Variants in MS4A2 observed in about 807,000 individuals in gnomAD.
MS4A2 encodes the protein membrane spanning 4-domains A2.
In MS4A2, 26 loss-of-function variants were observed where a neutral mutation model predicts 27.9. The observed-to-expected ratio is 0.93, with a 90% CI of 0.68 to 1.29. MS4A2 has a LOEUF of 1.29. MS4A2 is among the 50% of genes most tolerant of loss of function. The pLI, the probability that MS4A2 is intolerant of heterozygous loss-of-function variation, is 0.00. For synonymous variants in MS4A2, 110 were observed against 98.8 expected, an observed-to-expected ratio of 1.11 and a Z score of -0.67; for missense variants, 284 against 284.6, an observed-to-expected ratio of 1.00 and a Z score of 0.01.
Position 60,095,681 on chromosome 11 carries a change from A to G in MS4A2, c.*25A>G. ...AGAATCACGTGTCCAGAACACTCTG[A>G]TTCACAGCCAAGGATCCAGAAGGCC... On this transcript the variant is annotated 3_prime_UTR_variant, in exon 7 of 7. Coordinates refer to ENST00000278888, the MANE Select transcript of MS4A2 (RefSeq NM_000139.5). 2 of 1,508,398 alleles carry G rather than the reference A, an allele frequency of 1.3e-6. No homozygotes were observed. The highest frequency in any genetic ancestry group is 9.2e-7 in the Non-Finnish European group (1 of 1,084,010). The allele number at this position is 1,508,398 out of a possible 1,614,324, so 93.4% of individuals were successfully genotyped here.
At position 60,092,810 on chromosome 11, in the gene MS4A2, T is replaced by C. The variant is rs947309174; in HGVS notation, c.340T>C (p.Leu114=). The change falls in exon 4 of 7, where the codon TTG becomes CTG. Residue 114 remains leucine (L), a synonymous_variant. Transcript: ENST00000278888. Reference sequence around the variant, plus strand: ...TGAACAGTTTTCTATTTCTGGAATGTTGTCAATTATATCTGAAAGGAGAAA... The same window carrying C: ...TGAACAGTTTTCTATTTCTGGAATGCTGTCAATTATATCTGAAAGGAGAAA... The part of the protein sequence containing the change: ...GAIFFSISGM[L]SIISERRNAT... 6.2e-7 allele frequency: 1 copy of C among 1,613,998 alleles called. No individual in the cohort carries two copies. Among genetic ancestry groups the C allele is most frequent in the East Asian group, 2.2e-5 (1 of 44,854 alleles).
intron 3 of MS4A2, 26 bp downstream of exon 3, chr11:60,090,496 T>C: frequency 3.1e-6 from 5 of 1,608,070 alleles, no homozygotes; most frequent in Non-Finnish European, 4.2e-6. Flanking sequence ...TAATTGTTTC[T>C]GAAATAACAC....
chr11:60,094,709 G>A (rs932635719), intron 6 of MS4A2, among the ~76,000 whole-genome samples: 4 of 152,354 alleles, frequency 2.6e-5, no homozygotes, highest in Middle Eastern at 3.4e-3. Flanking sequence ...AGCACTTTGT[G>A]AGGCTGAGGA....
In MS4A2 at chr11:60,095,420, G is replaced by A. The variant is rs1855851798; in HGVS notation, c.637-138G>A. 4 of 683,162 alleles carry A rather than the reference G, an allele frequency of 5.9e-6. No homozygotes were observed. In the Admixed American group the frequency reaches 8.7e-5, roughly 15 times the overall value. The allele number at this position is 683,162 out of a possible 1,614,324, so 42.3% of individuals were successfully genotyped here. A position where few individuals can be genotyped will look rare whatever the true frequency, so the allele number is the denominator to read the frequency against. On this transcript the variant is annotated intron_variant, in intron 6 of 6. Transcript: ENST00000278888. The stretch of plus-strand genomic sequence containing the variant: ...TAGTCTGGTTTGGTTTTCTGGAAAT[G>A]AAAGAAATAATCAGAGTTTAATGAC...
Position 60,088,943 on chromosome 11 carries a change from T to C in MS4A2, c.56+122T>C. ...GCATGGATCCATCTAGTTTAATTAA[T>C]ATATTGGGTATGAGGAAGCTACTTG... is the stretch of plus-strand genomic sequence containing the variant. On this transcript the variant is annotated intron_variant, in intron 1 of 6. Transcript: ENST00000278888. 3.0e-6 allele frequency: 3 copies of C among 1,007,958 alleles called. No homozygotes were observed. The South Asian group carries it at 4.2e-5, about 14-fold the overall frequency. The allele number at this position is 1,007,958 out of a possible 1,614,324, so 62.4% of individuals were successfully genotyped here. A position where few individuals can be genotyped will look rare whatever the true frequency, so the allele number is the denominator to read the frequency against.
intron 1 of MS4A2, among the ~76,000 whole-genome samples, chr11:60,089,273 C>T (rs1855712973): frequency 1.3e-5 from 2 of 152,170 alleles, no homozygotes; most frequent in African/African-American, 4.8e-5. Context: ...CTATTCAAAG[C>T]CATTCCTTCA....
At chr11:60,088,462 A>G, upstream of MS4A2, 1 of 358,914 alleles carries the variant, frequency 2.8e-6, no homozygotes. Context: ...TCTCATTTTC[A>G]GGTTCTGTAA....
In MS4A2 at chr11:60,098,434, T is replaced by C. The variant is rs565302661; in HGVS notation, c.*2778T>C. 2 of 152,352 alleles carry C rather than the reference T, an allele frequency of 1.3e-5. No homozygotes were observed. Among genetic ancestry groups the C allele is most frequent in the South Asian group, 4.1e-4 (2 of 4,820 alleles). The allele number at this position is 152,352 out of a possible 1,614,324, so 9.4% of individuals were successfully genotyped here. ...CTCCTTATGTATTCTCAATTACCTGTATTTGTGCAATAAATTGGAATAATG... is the reference window on the plus strand; with the variant it reads ...CTCCTTATGTATTCTCAATTACCTGCATTTGTGCAATAAATTGGAATAATG... On this transcript the variant is annotated 3_prime_UTR_variant, in exon 7 of 7. Coordinates refer to ENST00000278888, the MANE Select transcript of MS4A2 (RefSeq NM_000139.5).
rs369322326 is a variant in MS4A2, at chr11:60,095,414, G to A, written c.637-144G>A. The A allele has an allele frequency of 2.8e-4, 190 of 674,052 alleles. No individual in the cohort carries two copies. In the East Asian group the frequency reaches 3.6e-3, roughly 13 times the overall value. The allele number at this position is 674,052 out of a possible 1,614,324, so 41.8% of individuals were successfully genotyped here. On this transcript the variant is annotated intron_variant, in intron 6 of 6. Coordinates refer to ENST00000278888, the MANE Select transcript of MS4A2 (RefSeq NM_000139.5). Reference sequence around the variant, plus strand: ...GCCAGCTAGTCTGGTTTGGTTTTCTGGAAATGAAAGAAATAATCAGAGTTT... The same window carrying A: ...GCCAGCTAGTCTGGTTTGGTTTTCTAGAAATGAAAGAAATAATCAGAGTTT...
In MS4A2 at chr11:60,097,222, A is replaced by G. The variant is rs143047633; in HGVS notation, c.*1566A>G. The G allele has an allele frequency of 1.3e-5, 2 of 152,376 alleles. No homozygotes were observed. The highest frequency in any genetic ancestry group is 2.9e-5 in the Non-Finnish European group (2 of 68,040). 9.4% of individuals were successfully genotyped at this position (152,376 alleles called of 1,614,324 possible). Reference sequence around the variant, plus strand: ...GATAAAATCTAGCCTAGAAGATACAATAATTAGTCATAAACATGCATTGTG... The same window carrying G: ...GATAAAATCTAGCCTAGAAGATACAGTAATTAGTCATAAACATGCATTGTG... On this transcript the variant is annotated 3_prime_UTR_variant, in exon 7 of 7. Transcript: ENST00000278888.
chr11:60,092,426 G>C (rs974093485), intron 3 of MS4A2, among the ~76,000 whole-genome samples: 1 of 151,638 alleles, frequency 6.6e-6, no homozygotes, highest in Non-Finnish European at 1.5e-5. Flanking sequence ...CTCCCTAGTA[G>C]CTGGGACTAC....
In MS4A2 at chr11:60,096,607, G is replaced by A. The variant is rs1279086993; in HGVS notation, c.*951G>A. The A allele has an allele frequency of 6.6e-6, 1 of 152,178 alleles. No homozygotes were observed. The highest frequency in any genetic ancestry group is 1.5e-5 in the Non-Finnish European group (1 of 68,058). The allele number at this position is 152,178 out of a possible 1,614,324, so 9.4% of individuals were successfully genotyped here. On this transcript the variant is annotated 3_prime_UTR_variant, in exon 7 of 7. Coordinates refer to ENST00000278888, the MANE Select transcript of MS4A2 (RefSeq NM_000139.5). ...GTTGATAGAATGATAAAAAGGGTCGGGCGCGGAGGCTCACGCCTGTAATCC... is the reference window on the plus strand; with the variant it reads ...GTTGATAGAATGATAAAAAGGGTCGAGCGCGGAGGCTCACGCCTGTAATCC...
At chr11:60,091,929 A>T (rs933312774) in intron 3 of MS4A2, among the ~76,000 whole-genome samples, 15 of 152,220 alleles carry the variant, frequency 9.9e-5, no homozygotes, top group Admixed American at 9.2e-4. Context: ...TGTGCTATTG[A>T]CTTATATTTA....
Position 60,090,490 on chromosome 11 carries a change from T to G in MS4A2, c.321+20T>G, listed in dbSNP as rs750399168. The stretch of plus-strand genomic sequence containing the variant: ...ATATTTGTGAGTATATATCTATAAT[T>G]GTTTCTGAAATAACACTGAACATAG... On this transcript the variant is annotated intron_variant, in intron 3 of 6. Transcript: ENST00000278888. 1 of 1,610,158 alleles carries G rather than the reference T, an allele frequency of 6.2e-7. No homozygotes were observed. The highest frequency in any genetic ancestry group is 8.5e-7 in the Non-Finnish European group (1 of 1,178,618).
chr11:60,096,847 A>T lies in MS4A2; in HGVS notation c.*1191A>T, dbSNP rs1431396080. On this transcript the variant is annotated 3_prime_UTR_variant, in exon 7 of 7. Transcript: ENST00000278888. ...GGTTGCAGTGAGCCGAGATCGCACC[A>T]GTGCACTCCAGCCTTGGTGACAATG... 1 of 144,096 alleles carries T rather than the reference A, an allele frequency of 6.9e-6. No individual in the cohort carries two copies. Among genetic ancestry groups the T allele is most frequent in the East Asian group, 2.1e-4 (1 of 4,730 alleles). 8.9% of individuals were successfully genotyped at this position (144,096 alleles called of 1,614,324 possible). A position where few individuals can be genotyped will look rare whatever the true frequency, so the allele number is the denominator to read the frequency against.
rs1855865307 is a variant in MS4A2, at chr11:60,096,094, A to G, written c.*438A>G. On this transcript the variant is annotated 3_prime_UTR_variant, in exon 7 of 7. Coordinates refer to ENST00000278888, the MANE Select transcript of MS4A2 (RefSeq NM_000139.5). ...ATTTGTACCATCCACCCATACCCACACAGTCACAGTCACACACACATATGT... is the reference window on the plus strand; with the variant it reads ...ATTTGTACCATCCACCCATACCCACGCAGTCACAGTCACACACACATATGT... 4.7e-6 allele frequency: 1 copy of G among 211,172 alleles called. No homozygotes were observed. The highest frequency in any genetic ancestry group is 9.5e-6 in the Non-Finnish European group (1 of 104,762). 13.1% of individuals were successfully genotyped at this position (211,172 alleles called of 1,614,324 possible). A position where few individuals can be genotyped will look rare whatever the true frequency, so the allele number is the denominator to read the frequency against.
chr11:60,088,508 G>A, upstream of MS4A2: 1 of 906,498 alleles, frequency 1.1e-6, no homozygotes, highest in Non-Finnish European at 1.5e-6. Context: ...TGCTCCAGGA[G>A]TCTCAAATTT....
intron 3 of MS4A2, among the ~76,000 whole-genome samples, chr11:60,091,238 A>G (rs1416003393): frequency 2.0e-5 from 3 of 152,182 alleles, no homozygotes; most frequent in Non-Finnish European, 1.5e-5. Flanking sequence ...ATTAAGATCA[A>G]AGGGCATATG....
chr11:60,092,702 A>T, intron 3 of MS4A2, 90 bp from the exon 4 acceptor site: 2 of 1,183,376 alleles, frequency 1.7e-6, no homozygotes. Flanking sequence ...GAGTACCCCA[A>T]ATGTTACCTA....
Sources: gnomAD v4.1 joint callset for allele counts (sites outside exome capture counted in the v4.1 genomes callset) on GRCh38, gnomAD v4.1.1 for gene constraint, MANE v1.5 for transcripts, NCBI Gene and HGNC (gene_info 2026-07-23, HGNC 2026-07-21) for gene names.